CCDC90B: variants seen among roughly 807,000 people sequenced by gnomAD.
The protein encoded by CCDC90B is coiled-coil domain containing 90B.
Under a neutral mutation model 37.0 loss-of-function variants are expected in CCDC90B, and 24 were observed. The ratio of observed to expected loss-of-function variants is 0.65; its 90% CI spans 0.47 to 0.91. The LOEUF is 0.91. Among genes scored for constraint, CCDC90B ranks in the 40% least tolerant of loss-of-function variants. The pLI is 0.00. For synonymous variants in CCDC90B, 113 were observed against 101.1 expected, an observed-to-expected ratio of 1.12 and a Z score of -0.71; for missense variants, 319 against 299.0, an observed-to-expected ratio of 1.07 and a Z score of -0.49.
intron 3 of CCDC90B, among the ~76,000 whole-genome samples, chr11:83,275,756 G>A (rs1864987712): frequency 6.6e-6 from 1 of 152,140 alleles, no homozygotes; most frequent in African/African-American, 2.4e-5. Context: ...AGGCTGTCTA[G>A]GTTTGAACCC....
chr11:83,271,855 G>A (rs1864694608), intron 7 of CCDC90B, among the ~76,000 whole-genome samples: 1 of 152,240 alleles, frequency 6.6e-6, no homozygotes, highest in South Asian at 2.1e-4. Flanking sequence ...GCAAAGACTT[G>A]GAACCAACCC....
At position 83,265,796 on chromosome 11, in the gene CCDC90B, C is replaced by CA. The variant is rs1864224357; in HGVS notation, c.709+68dup. Reference sequence around the variant, plus strand: ...TCCTCCTTTTTTTCCTGTGCCTGCTCAGTTACCTTGATAGGTAGAACTAAC... The same window carrying CA: ...TCCTCCTTTTTTTCCTGTGCCTGCTCAAGTTACCTTGATAGGTAGAACTAAC... On this transcript the variant is annotated intron_variant, in intron 8 of 8. Coordinates refer to ENST00000529689, the MANE Select transcript of CCDC90B (RefSeq NM_021825.5). 37 of 955,212 alleles carry CA rather than the reference C, an allele frequency of 3.9e-5. No individual in the cohort carries two copies. In the South Asian group the frequency reaches 3.9e-4, roughly 10 times the overall value. The allele number at this position is 955,212 out of a possible 1,614,324, so 59.2% of individuals were successfully genotyped here. A position where few individuals can be genotyped will look rare whatever the true frequency, so the allele number is the denominator to read the frequency against.
rs1407609537 is a variant in CCDC90B, at chr11:83,269,475, A to G, written c.595-3496T>C. Among the ~76,000 whole-genome samples, 4 of 152,184 alleles carry G rather than the reference A, an allele frequency of 2.6e-5. No individual in the cohort carries two copies. In the East Asian group the frequency reaches 5.8e-4, roughly 22 times the overall value. On this transcript the variant is annotated intron_variant, in intron 7 of 8. Transcript: ENST00000529689. Reference sequence around the variant, plus strand: ...GATGCAACAAAAAATGATAAAGGGGATATCACCACCGATCCCACAGATATA... The same window carrying G: ...GATGCAACAAAAAATGATAAAGGGGGTATCACCACCGATCCCACAGATATA...
chr11:83,266,104 T>A, intron 7 of CCDC90B, 125 bp from the exon 8 acceptor site: 1 of 574,712 alleles, frequency 1.7e-6, no homozygotes, highest in Non-Finnish European at 3.1e-6. Context: ...GGGGAAACAT[T>A]AAAAGCATAG....
At chr11:83,278,885 TAGAC>T (rs1251456711) in intron 2 of CCDC90B, 56 bp from the exon 3 acceptor site, 73 of 966,864 alleles carry the variant, frequency 7.6e-5, no homozygotes, top group African/African-American at 6.5e-4. Flanking sequence ...CTTATCAAAA[TAGAC>T]AGCAAGAGTA....
intron 2 of CCDC90B, among the ~76,000 whole-genome samples, chr11:83,279,418 T>C (rs570532232): frequency 7.9e-5 from 12 of 152,352 alleles, no homozygotes; most frequent in Non-Finnish European, 1.3e-4. Flanking sequence ...TTGTATTGCA[T>C]TGTTATTTTA....
intron 7 of CCDC90B, among the ~76,000 whole-genome samples, chr11:83,271,371 C>T (rs1012127954): frequency 1.2e-4 from 19 of 152,042 alleles, no homozygotes; most frequent in African/African-American, 4.1e-4. Context: ...TGCAATCTAC[C>T]CATCTGACAA....
At chr11:83,272,879 G>C (rs1864765982) in intron 7 of CCDC90B, among the ~76,000 whole-genome samples, 1 of 152,154 alleles carries the variant, frequency 6.6e-6, no homozygotes, top group African/African-American at 2.4e-5. Flanking sequence ...TTACATTGTA[G>C]GATTACTGAG....
At chr11:83,281,765 T>G (rs1865397010) in intron 1 of CCDC90B, among the ~76,000 whole-genome samples, 1 of 143,882 alleles carries the variant, frequency 7.0e-6, no homozygotes, top group Admixed American at 6.8e-5. Flanking sequence ...GATTAGAAGT[T>G]TATTTGGATT....
At chr11:83,285,705 G>A (rs1865642082) in intron 1 of CCDC90B, 168 bp downstream of exon 1, 3 of 1,433,668 alleles carry the variant, frequency 2.1e-6, no homozygotes, top group South Asian at 3.0e-5. Flanking sequence ...CCCTTGGGGC[G>A]AGCTGGGCAA....
intron 3 of CCDC90B, among the ~76,000 whole-genome samples, chr11:83,275,719 C>T (rs1177421758): frequency 6.6e-6 from 1 of 151,948 alleles, no homozygotes; most frequent in Non-Finnish European, 1.5e-5. Flanking sequence ...ACAAGAAAGC[C>T]CAAAAAAGAG....
intron 1 of CCDC90B, among the ~76,000 whole-genome samples, chr11:83,282,936 A>G (rs1015413416): frequency 2.0e-5 from 3 of 152,360 alleles, no homozygotes; most frequent in Non-Finnish European, 4.4e-5. Context: ...TTAGAACTAG[A>G]TAGTTTTATT....
chr11:83,285,817 G>T (rs775210396), intron 1 of CCDC90B, 56 bp downstream of exon 1: 55 of 1,550,852 alleles, frequency 3.5e-5, no homozygotes, highest in Non-Finnish European at 4.8e-5. Flanking sequence ...GCGACCCCAC[G>T]GGCATCGTCT....
At chr11:83,263,946 A>T (rs1337027348) in intron 8 of CCDC90B, among the ~76,000 whole-genome samples, 1 of 152,242 alleles carries the variant, frequency 6.6e-6, no homozygotes, top group African/African-American at 2.4e-5. Flanking sequence ...CTGCCCAGAA[A>T]ATGACTAAGA....
At chr11:83,277,684 C>CA (rs1328525086) in intron 3 of CCDC90B, among the ~76,000 whole-genome samples, 1 of 151,096 alleles carries the variant, frequency 6.6e-6, no homozygotes, top group African/African-American at 2.4e-5. Flanking sequence ...CAAGTAGAGA[C>CA]AGTGTTTCAC....
chr11:83,285,304 TTCAGGACAC>T (rs1865616236), intron 1 of CCDC90B: 1 of 1,234,688 alleles, frequency 8.1e-7, no homozygotes, highest in South Asian at 1.4e-5. Context: ...GTTAGATGTC[TTCAGGACAC>T]CCTGTTAACA....
At chr11:83,271,849 A>C (rs1413419104) in intron 7 of CCDC90B, among the ~76,000 whole-genome samples, 1 of 152,240 alleles carries the variant, frequency 6.6e-6, no homozygotes, top group Non-Finnish European at 1.5e-5. Flanking sequence ...ACAATAGCAA[A>C]GACTTGGAAC....
chr11:83,259,801 A>C lies in CCDC90B; in HGVS notation c.*2110T>G, dbSNP rs908303640. 1 of 152,238 alleles carries C rather than the reference A, an allele frequency of 6.6e-6. No homozygotes were observed. The highest frequency in any genetic ancestry group is 1.5e-5 in the Non-Finnish European group (1 of 68,112). 9.4% of individuals were successfully genotyped at this position (152,238 alleles called of 1,614,324 possible). ...TGCCGCAGCCTCCCAAGCAGCTAGG[A>C]CTATAGATGTGTGCCACTGTGCTCA... On this transcript the variant is annotated 3_prime_UTR_variant, in exon 9 of 9. Coordinates refer to ENST00000529689, the MANE Select transcript of CCDC90B (RefSeq NM_021825.5).
In CCDC90B at chr11:83,259,654, GAGA is replaced by G. The variant is rs1444902502; in HGVS notation, c.*2254_*2256del. On this transcript the variant is annotated 3_prime_UTR_variant, in exon 9 of 9. Transcript: ENST00000529689. ...CCTTTATTTGCTGATAAAACTATTG[GAGA>G]AGTTTTTTTTTAGGAGACAGGGTCT... is the stretch of plus-strand genomic sequence containing the variant. The G allele has an allele frequency of 6.6e-6, 1 of 152,108 alleles. No individual in the cohort carries two copies. The highest frequency in any genetic ancestry group is 1.5e-5 in the Non-Finnish European group (1 of 68,042). The allele number at this position is 152,108 out of a possible 1,614,324, so 9.4% of individuals were successfully genotyped here.
Sources: allele counts gnomAD v4.1 joint callset (sites outside exome capture counted in the v4.1 genomes callset), GRCh38; gene constraint gnomAD v4.1.1; transcripts MANE v1.5; gene names NCBI Gene and HGNC (gene_info 2026-07-23, HGNC 2026-07-21).